Variants in FRMD4A observed in about 807,000 individuals in gnomAD.
FRMD4A encodes the protein FERM domain containing 4A.
Under a neutral mutation model 129.1 loss-of-function variants are expected in FRMD4A, and 29 were observed. The observed-to-expected ratio is 0.22, with a 90% CI of 0.17 to 0.31. The LOEUF (loss-of-function observed/expected upper bound fraction) is 0.31. Ranked by LOEUF, FRMD4A falls within the 10% of genes least tolerant of loss-of-function variation. The pLI is 1.00. For missense variants in FRMD4A, 1,272 were observed against 1,375.8 expected, an observed-to-expected ratio of 0.92 and a Z score of 1.19; for synonymous variants, 634 against 571.6, an observed-to-expected ratio of 1.11 and a Z score of -1.56.
At chr10:13,688,592 G>A (rs1343254887) in intron 15 of FRMD4A, among the ~76,000 whole-genome samples, 2 of 151,976 alleles carry the variant, frequency 1.3e-5, no homozygotes, top group African/African-American at 2.4e-5. Context: ...ATCTGGTGAC[G>A]GATCTTGGGT....
At chr10:13,957,581 T>C (rs1197223485) in intron 2 of FRMD4A, among the ~76,000 whole-genome samples, 3 of 152,140 alleles carry the variant, frequency 2.0e-5, no homozygotes, top group African/African-American at 4.8e-5. Flanking sequence ...ATTAGCACTT[T>C]ATCATAAACA....
chr10:13,667,917 A>C (rs10752316), intron 17 of FRMD4A: 4 of 152,080 alleles, frequency 2.6e-5, no homozygotes, highest in Non-Finnish European at 5.9e-5. Flanking sequence ...GGAAATTCAC[A>C]GACACGCTGA....
intron 2 of FRMD4A, among the ~76,000 whole-genome samples, chr10:14,290,821 G>A (rs1483090872): frequency 1.3e-5 from 2 of 151,936 alleles, no homozygotes; most frequent in Non-Finnish European, 2.9e-5. Flanking sequence ...TGGGAATAAT[G>A]GTACCTACCT....
intron 2 of FRMD4A, among the ~76,000 whole-genome samples, chr10:14,137,762 G>A (rs2131837194): frequency 1.3e-5 from 2 of 152,216 alleles, no homozygotes; most frequent in African/African-American, 4.8e-5. Flanking sequence ...ATATGCAATG[G>A]CACTCCCTGC....
chr10:14,286,610 T>C (rs2132068650), intron 2 of FRMD4A, among the ~76,000 whole-genome samples: 1 of 152,206 alleles, frequency 6.6e-6, no homozygotes, highest in East Asian at 1.9e-4. Flanking sequence ...CAAACAGCTG[T>C]TTTTTCCAGC....
At chr10:13,818,584 A>C (rs2093582449) in intron 3 of FRMD4A, among the ~76,000 whole-genome samples, 1 of 152,192 alleles carries the variant, frequency 6.6e-6, no homozygotes, top group African/African-American at 2.4e-5. Flanking sequence ...TGCATCCTTC[A>C]TGATCTCTTG....
At chr10:14,081,576 G>T (rs565089963) in intron 2 of FRMD4A, among the ~76,000 whole-genome samples, 4 of 152,282 alleles carry the variant, frequency 2.6e-5, no homozygotes, top group African/African-American at 9.6e-5. Flanking sequence ...ATAAGTCAAG[G>T]TTCAGTACAA....
intron 3 of FRMD4A, among the ~76,000 whole-genome samples, chr10:13,840,221 G>T (rs374817083): frequency 2.0e-5 from 3 of 152,256 alleles, no homozygotes; most frequent in East Asian, 3.9e-4. Context: ...GGTCATATGG[G>T]TGGGACTGAG....
intron 2 of FRMD4A, among the ~76,000 whole-genome samples, chr10:14,103,725 G>T (rs554349628): frequency 6.6e-6 from 1 of 152,198 alleles, no homozygotes; most frequent in Non-Finnish European, 1.5e-5. Flanking sequence ...ACTCTAAGGG[G>T]CACCTTATTT....
intron 2 of FRMD4A, among the ~76,000 whole-genome samples, chr10:14,271,179 C>T (rs1161191155): frequency 6.6e-6 from 1 of 152,174 alleles, no homozygotes; most frequent in Non-Finnish European, 1.5e-5. Flanking sequence ...ATCCAAACAC[C>T]TCCCACCAGT....
At chr10:14,210,328 T>G (rs1414399157) in intron 2 of FRMD4A, among the ~76,000 whole-genome samples, 2 of 152,188 alleles carry the variant, frequency 1.3e-5, no homozygotes, top group Non-Finnish European at 2.9e-5. Context: ...GCACCAAATC[T>G]GCTGGCGCCT....
chr10:13,952,757 G>T (rs1264217423), intron 2 of FRMD4A, among the ~76,000 whole-genome samples: 1 of 152,120 alleles, frequency 6.6e-6, no homozygotes, highest in Non-Finnish European at 1.5e-5. Flanking sequence ...GCAGTAGCAT[G>T]ATCTCAGCTC....
intron 17 of FRMD4A, among the ~76,000 whole-genome samples, chr10:13,669,749 C>A (rs946612845): frequency 6.6e-6 from 1 of 152,212 alleles, no homozygotes; most frequent in Non-Finnish European, 1.5e-5. Flanking sequence ...TTCTCATTAA[C>A]CAGCCAGAGA....
intron 2 of FRMD4A, among the ~76,000 whole-genome samples, chr10:14,247,217 A>C (rs898686779): frequency 1.3e-5 from 2 of 152,118 alleles, no homozygotes; most frequent in African/African-American, 2.4e-5. Context: ...CCATGCCCAG[A>C]GTCACCCCGC....
intron 8 of FRMD4A, among the ~76,000 whole-genome samples, chr10:13,754,919 G>A (rs968544088): frequency 5.3e-5 from 8 of 152,080 alleles, no homozygotes; most frequent in East Asian, 1.9e-4. Context: ...TTTAAAAATC[G>A]TAGGGAAATA....
chr10:13,691,740 G>A (rs934828431), intron 15 of FRMD4A, among the ~76,000 whole-genome samples: 5 of 152,198 alleles, frequency 3.3e-5, no homozygotes, highest in Non-Finnish European at 7.3e-5. Flanking sequence ...GATTCCCTGT[G>A]CTAAGGGGGA....
intron 2 of FRMD4A, among the ~76,000 whole-genome samples, chr10:14,315,113 G>T (rs572228322): frequency 6.6e-6 from 1 of 150,612 alleles, no homozygotes; most frequent in Non-Finnish European, 1.5e-5. Flanking sequence ...CCTTTTTTAC[G>T]GACTCTCCTT....
chr10:13,898,953 T>G (rs539486190), intron 2 of FRMD4A, among the ~76,000 whole-genome samples: 3 of 152,026 alleles, frequency 2.0e-5, no homozygotes, highest in African/African-American at 7.2e-5. Flanking sequence ...AGGGCCGAGG[T>G]GGGAGGATCA....
intron 2 of FRMD4A, among the ~76,000 whole-genome samples, chr10:13,941,575 C>T (rs2095292872): frequency 6.6e-6 from 1 of 152,168 alleles, no homozygotes; most frequent in Non-Finnish European, 1.5e-5. Flanking sequence ...AGATCGTAGA[C>T]ACCAGGCAGG....
Sources: gnomAD v4.1 joint callset for allele counts (sites outside exome capture counted in the v4.1 genomes callset) on GRCh38, gnomAD v4.1.1 for gene constraint, MANE v1.5 for transcripts, NCBI Gene and HGNC (gene_info 2026-07-23, HGNC 2026-07-21) for gene names.